HECW2: variants seen among roughly 807,000 people sequenced by gnomAD.
The protein encoded by HECW2 is HECT, C2 and WW domain containing E3 ubiquitin protein ligase 2.
A neutral mutation model predicts 175.2 loss-of-function variants in HECW2; 61 were observed. The observed-to-expected ratio is 0.35, with a 90% CI of 0.28 to 0.43. The LOEUF (loss-of-function observed/expected upper bound fraction) is 0.43, where lower values mean the gene tolerates loss of function less well. HECW2 is among the 20% of genes least tolerant of loss of function. HECW2 has a pLI of 1.00. For missense variants in HECW2, 1,524 were observed against 2,000.5 expected, an observed-to-expected ratio of 0.76 and a Z score of 4.54; for synonymous variants, 671 against 731.0, an observed-to-expected ratio of 0.92 and a Z score of 1.32.
chr2:196,504,221 G>A (rs112052821), intron 1 of HECW2, among the ~76,000 whole-genome samples: 21,174 of 151,132 alleles, frequency 0.14, 1,538 homozygotes, highest in Middle Eastern at 0.24. Context: ...ACTTGAACCC[G>A]GGAGGCAGAT....
chr2:196,280,457 C>A (rs769138457), intron 14 of HECW2, among the ~76,000 whole-genome samples: 1 of 152,160 alleles, frequency 6.6e-6, no homozygotes, highest in Non-Finnish European at 1.5e-5. Context: ...ATTTTTACAT[C>A]TTTATAAAGA....
rs554256070 is a variant in HECW2 at position 196,278,278 on chromosome 2, C to A, written c.3135+250G>T. ...TACATTATCAACACCCTCTCACCTT[C>A]CTCTGAGTCAAAAAATCTTAAATTT... On this transcript the variant is annotated intron_variant, in intron 15 of 28. Transcript: ENST00000644978. Among the ~76,000 whole-genome samples, 4 of 148,806 alleles carry A rather than the reference C, an allele frequency of 2.7e-5. No homozygotes were observed. The Admixed American group carries it at 2.7e-4, about 10-fold the overall frequency.
At chr2:196,262,237 G>C (rs1358968630) in intron 17 of HECW2, among the ~76,000 whole-genome samples, 2 of 152,036 alleles carry the variant, frequency 1.3e-5, no homozygotes, top group African/African-American at 2.4e-5. Context: ...ATGTTGTCTG[G>C]GCTGGTCTTG....
chr2:196,225,644 A>G (rs745808427), intron 23 of HECW2, 128 bp downstream of exon 23: 8 of 612,394 alleles, frequency 1.3e-5, no homozygotes, highest in Admixed American at 2.7e-5. Flanking sequence ...CTAAACCACT[A>G]TTAGGTTTAA....
At chr2:196,332,702 A>C (rs10190470) in intron 4 of HECW2, among the ~76,000 whole-genome samples, 6,233 of 152,284 alleles carry the variant, frequency 0.041, 453 homozygotes, top group African/African-American at 0.14. Flanking sequence ...AATGCTTAAA[A>C]ATGTTTGGAA....
At chr2:196,278,159 T>TATATA (rs1469522535) in intron 15 of HECW2, among the ~76,000 whole-genome samples, 5 of 121,316 alleles carry the variant, frequency 4.1e-5, no homozygotes, top group Admixed American at 8.8e-5. Context: ...TATAAAGAAA[T>TATATA]TCCACATTTA....
At chr2:196,480,110 A>G (rs1377920492) in intron 1 of HECW2, among the ~76,000 whole-genome samples, 1 of 152,058 alleles carries the variant, frequency 6.6e-6, no homozygotes, top group Non-Finnish European at 1.5e-5. Flanking sequence ...AATCTCAGCC[A>G]TATGTTTTCC....
At chr2:196,309,825 A>G (rs1245636129) in intron 10 of HECW2, among the ~76,000 whole-genome samples, 1 of 152,210 alleles carries the variant, frequency 6.6e-6, no homozygotes, top group Non-Finnish European at 1.5e-5. Flanking sequence ...GATGCTGCCA[A>G]ACTCCCAAGA....
chr2:196,572,313 G>C (rs1690416329), intron 1 of HECW2, among the ~76,000 whole-genome samples: 1 of 152,126 alleles, frequency 6.6e-6, no homozygotes. Context: ...CTCTCAAGTA[G>C]CTGGGATTAT....
At chr2:196,491,096 TTA>T (rs974990506) in intron 1 of HECW2, among the ~76,000 whole-genome samples, 3 of 152,098 alleles carry the variant, frequency 2.0e-5, no homozygotes, top group Non-Finnish European at 2.9e-5. Context: ...TACATAAATT[TTA>T]TGTTATATAA....
Position 196,343,637 on chromosome 2 carries a change from T to C in HECW2, c.400+20A>G, listed in dbSNP as rs756178638. 10 of 1,458,486 alleles carry C rather than the reference T, an allele frequency of 6.9e-6. No individual in the cohort carries two copies. The African/African-American group carries it at 1.3e-4, about 18-fold the overall frequency. 90.3% of individuals were successfully genotyped at this position (1,458,486 alleles called of 1,614,324 possible). A position where few individuals can be genotyped will look rare whatever the true frequency, so the allele number is the denominator to read the frequency against. ...TGCAATGTTCAATAATAAGTTTATATTTCACACTTAGTTACTTACGTTCCA... is the reference window on the plus strand; with the variant it reads ...TGCAATGTTCAATAATAAGTTTATACTTCACACTTAGTTACTTACGTTCCA... On this transcript the variant is annotated intron_variant, in intron 3 of 28. Transcript: ENST00000644978.
chr2:196,558,892 T>C (rs754868452), intron 1 of HECW2, among the ~76,000 whole-genome samples: 1 of 152,218 alleles, frequency 6.6e-6, no homozygotes, highest in Non-Finnish European at 1.5e-5. Flanking sequence ...AAAACCTGTA[T>C]GGAATTGTTT....
intron 2 of HECW2, among the ~76,000 whole-genome samples, chr2:196,378,869 C>T (rs1694123850): frequency 6.6e-6 from 1 of 151,990 alleles, no homozygotes; most frequent in Admixed American, 6.5e-5. Flanking sequence ...CAACTTGAAC[C>T]CACTAATCAA....
intron 2 of HECW2, among the ~76,000 whole-genome samples, chr2:196,355,398 A>G (rs904785550): frequency 3.3e-5 from 5 of 152,222 alleles, no homozygotes; most frequent in African/African-American, 1.2e-4. Context: ...CCTTAGCACA[A>G]GATCCAACAT....
At chr2:196,461,986 C>T (rs1451609542) in intron 1 of HECW2, among the ~76,000 whole-genome samples, 1 of 152,074 alleles carries the variant, frequency 6.6e-6, no homozygotes, top group East Asian at 1.9e-4. Context: ...CTGGAAAAAA[C>T]CCAAATGTCC....
intron 2 of HECW2, among the ~76,000 whole-genome samples, chr2:196,432,441 T>C (rs1695743045): frequency 6.6e-6 from 1 of 152,226 alleles, no homozygotes. Flanking sequence ...TAGGTTAGAT[T>C]TTTGCTTTCC....
intron 1 of HECW2, among the ~76,000 whole-genome samples, chr2:196,576,085 A>G (rs1160122076): frequency 6.6e-6 from 1 of 152,128 alleles, no homozygotes; most frequent in Non-Finnish European, 1.5e-5. Flanking sequence ...TATTTTTACT[A>G]TACCTTTTCA....
intron 10 of HECW2, chr2:196,316,125 A>AC (rs1260028545): frequency 2.8e-4 from 43 of 152,316 alleles, no homozygotes; most frequent in Admixed American, 2.6e-3. Context: ...TTAAGATGAT[A>AC]CAAGGTTAAT....
intron 1 of HECW2, among the ~76,000 whole-genome samples, chr2:196,592,028 A>T (rs1054739265): frequency 1.4e-4 from 21 of 152,374 alleles, no homozygotes; most frequent in African/African-American, 4.6e-4. Flanking sequence ...AATAGTAAAA[A>T]GAAAATCATA....
Sources: gnomAD v4.1 joint callset for allele counts (sites outside exome capture counted in the v4.1 genomes callset) on GRCh38, gnomAD v4.1.1 for gene constraint, MANE v1.5 for transcripts, NCBI Gene and HGNC (gene_info 2026-07-23, HGNC 2026-07-21) for gene names.